The following DNER variants were observed in gnomAD, a reference collection of about 807,000 sequenced individuals.
DNER encodes the protein delta/notch like EGF repeat containing.
A neutral mutation model predicts 78.2 loss-of-function variants in DNER; 33 were observed. The ratio of observed to expected loss-of-function variants is 0.42; its 90% CI spans 0.32 to 0.56. The LOEUF (loss-of-function observed/expected upper bound fraction) is 0.56, where lower values mean the gene tolerates loss of function less well. Ranked by LOEUF, DNER falls within the 20% of genes least tolerant of loss-of-function variation. DNER has a pLI of 0.11. For synonymous variants in DNER, 417 were observed against 384.8 expected, an observed-to-expected ratio of 1.08 and a Z score of -0.98; for missense variants, 918 against 975.3, an observed-to-expected ratio of 0.94 and a Z score of 0.78.
Position 229,562,417 on chromosome 2 carries a change from C to T in DNER, c.848-15325G>A, listed in dbSNP as rs138508317. Among the ~76,000 whole-genome samples the T allele has an allele frequency of 7.3e-3, 1,115 of 152,198 alleles. 7 individuals are homozygous for T. Among genetic ancestry groups the T allele is most frequent in the Middle Eastern group, 0.021 (6 of 292 alleles). On this transcript the variant is annotated intron_variant, in intron 4 of 12. Transcript: ENST00000341772. ...TTAGCAAAAGTGTCTAATGTCATTC[C>T]TCTGATTAAATAGGGATATATGAAA...
At chr2:229,374,646 T>G (rs1436737740) in intron 11 of DNER, among the ~76,000 whole-genome samples, 2 of 152,220 alleles carry the variant, frequency 1.3e-5, no homozygotes, top group African/African-American at 4.8e-5. Context: ...GAAAGCTATG[T>G]GCCCAGGGTT....
At chr2:229,676,098 G>C (rs534122488) in intron 1 of DNER, among the ~76,000 whole-genome samples, 2 of 152,186 alleles carry the variant, frequency 1.3e-5, no homozygotes, top group Non-Finnish European at 2.9e-5. Flanking sequence ...AGGGACTGTC[G>C]ACAAGTGTGC....
chr2:229,692,322 G>A (rs754893267), intron 1 of DNER, among the ~76,000 whole-genome samples: 1 of 152,114 alleles, frequency 6.6e-6, no homozygotes, highest in Non-Finnish European at 1.5e-5. Flanking sequence ...AGTGCTTAGT[G>A]CATGCATATT....
intron 1 of DNER, among the ~76,000 whole-genome samples, chr2:229,613,170 G>A (rs1490144039): frequency 6.6e-6 from 1 of 152,106 alleles, no homozygotes; most frequent in Non-Finnish European, 1.5e-5. Flanking sequence ...TAGATTAACG[G>A]CCAGTTCATT....
chr2:229,547,070 A>T lies in DNER; in HGVS notation c.870T>A (p.Thr290=). 1.2e-6 allele frequency: 2 copies of T among 1,614,166 alleles called. No homozygotes were observed. Among genetic ancestry groups the T allele is most frequent in the Non-Finnish European group, 1.7e-6 (2 of 1,180,012 alleles). ...HFIGFVNDSV[T]KSIVALRLTL... ...TTAAGCGCAAAGCCACAATAGACTT[A>T]GTCACAGAATCATTCACAAAACCTA... is the stretch of plus-strand genomic sequence containing the variant. The change falls in exon 5 of 13, where the codon ACT becomes ACA. Residue 290 remains threonine (T), a synonymous_variant. Coordinates refer to ENST00000341772, the MANE Select transcript of DNER (RefSeq NM_139072.4).
intron 8 of DNER, among the ~76,000 whole-genome samples, chr2:229,421,795 C>T (rs111797558): frequency 0.015 from 2,238 of 152,060 alleles, 61 homozygotes; most frequent in African/African-American, 0.051. Flanking sequence ...AGCACCTTTT[C>T]AATTGCATTT....
intron 11 of DNER, among the ~76,000 whole-genome samples, chr2:229,373,624 C>T (rs191931518): frequency 2.0e-5 from 3 of 152,134 alleles, no homozygotes; most frequent in Non-Finnish European, 2.9e-5. Flanking sequence ...ACCAAAAAAG[C>T]ACAGGCACTT....
chr2:229,425,255 C>A lies in DNER; in HGVS notation c.1487-7025G>T, dbSNP rs111445174. 8.1e-3 allele frequency among the ~76,000 whole-genome samples: 1,230 copies of A among 152,182 alleles called. 21 individuals are homozygous for A. The highest frequency in any genetic ancestry group is 0.028 in the African/African-American group (1,181 of 41,502). On this transcript the variant is annotated intron_variant, in intron 8 of 12. Transcript: ENST00000341772. ...GATAGAGCGGAGTAAGAAGGGAGAA[C>A]CTGCCTGGTGATTTTTGAGCTAACG...
chr2:229,532,727 T>A (rs533203104), intron 5 of DNER, among the ~76,000 whole-genome samples: 56 of 152,366 alleles, frequency 3.7e-4, no homozygotes, highest in Middle Eastern at 3.4e-3. Context: ...CTTTCAACAA[T>A]GTTTATCAAA....
intron 9 of DNER, among the ~76,000 whole-genome samples, chr2:229,410,072 G>A (rs945804491): frequency 1.3e-5 from 2 of 152,054 alleles, no homozygotes; most frequent in Admixed American, 1.3e-4. Flanking sequence ...CAAGTCTTGG[G>A]CATCCTGTTT....
chr2:229,535,359 G>T (rs1018383596), intron 5 of DNER, among the ~76,000 whole-genome samples: 1 of 152,146 alleles, frequency 6.6e-6, no homozygotes, highest in Non-Finnish European at 1.5e-5. Context: ...TCAATAGGCA[G>T]AAAATGGGTC....
rs7599313 is a variant in DNER at position 229,605,244 on chromosome 2, C to A, written c.277-13356G>T. Among the ~76,000 whole-genome samples, 70 of 152,176 alleles carry A rather than the reference C, an allele frequency of 4.6e-4. 2 individuals are homozygous for A. The South Asian group carries it at 0.014, about 31-fold the overall frequency. ...GAAACAAGGATGGTCACAACAGAGACGGGAGTTTCTGCAGCCTAGGAGTTC... is the reference window on the plus strand; with the variant it reads ...GAAACAAGGATGGTCACAACAGAGAAGGGAGTTTCTGCAGCCTAGGAGTTC... On this transcript the variant is annotated intron_variant, in intron 1 of 12. Transcript: ENST00000341772.
At chr2:229,618,802 T>G (rs567774611) in intron 1 of DNER, among the ~76,000 whole-genome samples, 10 of 152,198 alleles carry the variant, frequency 6.6e-5, no homozygotes, top group Non-Finnish European at 1.3e-4. Flanking sequence ...ATTTCCTCGC[T>G]TTTATTTTAA....
chr2:229,636,631 C>T (rs562954504), intron 1 of DNER, among the ~76,000 whole-genome samples: 40 of 152,330 alleles, frequency 2.6e-4, no homozygotes, highest in Middle Eastern at 3.4e-3. Context: ...AATCACAAGA[C>T]TTGAAATGTC....
intron 3 of DNER, chr2:229,586,630 G>T: frequency 1.0e-6 from 1 of 980,168 alleles, no homozygotes; most frequent in Non-Finnish European, 1.2e-6. Context: ...GCCCTCCTGC[G>T]CTTTTCTCCT....
chr2:229,497,554 T>C (rs939117381), intron 6 of DNER, among the ~76,000 whole-genome samples: 2 of 151,180 alleles, frequency 1.3e-5, no homozygotes, highest in East Asian at 1.9e-4. Flanking sequence ...TTAGCTAGAC[T>C]AACAAAGTAA....
intron 11 of DNER, among the ~76,000 whole-genome samples, chr2:229,383,979 A>G (rs1321925338): frequency 6.6e-6 from 1 of 152,184 alleles, no homozygotes; most frequent in Non-Finnish European, 1.5e-5. Flanking sequence ...ACCACTTCGC[A>G]CTTATTCTAA....
At chr2:229,562,685 C>A (rs550929211) in intron 4 of DNER, among the ~76,000 whole-genome samples, 1 of 152,260 alleles carries the variant, frequency 6.6e-6, no homozygotes, top group African/African-American at 2.4e-5. Context: ...TGAGTTCTCA[C>A]CAGCTCTGTG....
intron 10 of DNER, among the ~76,000 whole-genome samples, chr2:229,393,777 T>A (rs207672): frequency 6.6e-6 from 1 of 151,756 alleles, no homozygotes; most frequent in Non-Finnish European, 1.5e-5. Flanking sequence ...AACCTGGGAG[T>A]TGGAGCTTGC....
Sources: gnomAD v4.1 joint callset for allele counts (sites outside exome capture counted in the v4.1 genomes callset) on GRCh38, gnomAD v4.1.1 for gene constraint, MANE v1.5 for transcripts, NCBI Gene and HGNC (gene_info 2026-07-23, HGNC 2026-07-21) for gene names.